The following SPOCK1 variants were observed in gnomAD, a reference collection of about 807,000 sequenced individuals.
SPOCK1 encodes the protein SPARC (osteonectin), cwcv and kazal like domains proteoglycan 1.
A neutral mutation model predicts 55.3 loss-of-function variants in SPOCK1; 23 were observed. That is an observed-to-expected ratio of 0.42 (90% CI 0.30 to 0.59). The LOEUF is 0.59. Among genes scored for constraint, SPOCK1 ranks in the 20% least tolerant of loss-of-function variants. The pLI, the probability that SPOCK1 is intolerant of heterozygous loss-of-function variation, is 0.22. For synonymous variants in SPOCK1, 226 were observed against 221.0 expected (o/e 1.02, Z -0.20); for missense variants, 499 against 552.5 (o/e 0.90, Z 0.97).
At chr5:137,441,470 A>T (rs1209488841) in intron 2 of SPOCK1, among the ~76,000 whole-genome samples, 1 of 152,240 alleles carries the variant, frequency 6.6e-6, no homozygotes, top group East Asian at 1.9e-4. Flanking sequence ...ATTTAGTAAG[A>T]TAAATCAAAT....
intron 3 of SPOCK1, among the ~76,000 whole-genome samples, chr5:137,174,109 G>A (rs1459822082): frequency 6.6e-6 from 1 of 152,098 alleles, no homozygotes; most frequent in Non-Finnish European, 1.5e-5. Flanking sequence ...CATTATTGTG[G>A]TACTTCTCAC....
chr5:137,233,626 T>A (rs1392117873), intron 3 of SPOCK1, among the ~76,000 whole-genome samples: 2 of 151,932 alleles, frequency 1.3e-5, no homozygotes, highest in Non-Finnish European at 2.9e-5. Context: ...CTTAAGTGTA[T>A]ATCTAAATAT....
chr5:137,263,392 G>A (rs374927281), intron 3 of SPOCK1, among the ~76,000 whole-genome samples: 1 of 152,114 alleles, frequency 6.6e-6, no homozygotes, highest in Non-Finnish European at 1.5e-5. Context: ...CCTCATATGC[G>A]CTCCTGAGTT....
At chr5:137,101,564 G>T (rs1753264660) in intron 5 of SPOCK1, among the ~76,000 whole-genome samples, 1 of 152,202 alleles carries the variant, frequency 6.6e-6, no homozygotes, top group Non-Finnish European at 1.5e-5. Context: ...ACAGAACATA[G>T]AAATAAGTGG....
At chr5:137,473,479 C>T (rs1320301910) in intron 2 of SPOCK1, among the ~76,000 whole-genome samples, 1 of 152,088 alleles carries the variant, frequency 6.6e-6, no homozygotes, top group Non-Finnish European at 1.5e-5. Context: ...AGAAATGGTT[C>T]CCACAGTGGG....
At chr5:136,978,993 G>T (rs1750672383) in intron 10 of SPOCK1, 149 bp from the exon 11 acceptor site, 2 of 861,086 alleles carry the variant, frequency 2.3e-6, no homozygotes, top group Non-Finnish European at 3.5e-6. Flanking sequence ...TGAGTCTTCA[G>T]GGCATACATT....
At position 136,976,156 on chromosome 5, in the gene SPOCK1, A is replaced by G. The variant is rs1459043503; in HGVS notation, c.*2498T>C. ...TCATTACAATCTTTAGTACTCATGG[A>G]AAGTATTAAAGATCTTTAAAAAAAT... is the stretch of plus-strand genomic sequence containing the variant. On this transcript the variant is annotated 3_prime_UTR_variant, in exon 11 of 11. Coordinates refer to ENST00000394945, the MANE Select transcript of SPOCK1 (RefSeq NM_004598.4). 6.6e-6 allele frequency: 1 copy of G among 152,206 alleles called. No individual in the cohort carries two copies. The highest frequency in any genetic ancestry group is 6.5e-5 in the Admixed American group (1 of 15,282). The allele number at this position is 152,206 out of a possible 1,614,324, so 9.4% of individuals were successfully genotyped here.
chr5:137,025,852 C>G, intron 6 of SPOCK1, among the ~76,000 whole-genome samples: 1 of 152,148 alleles, frequency 6.6e-6, no homozygotes, highest in East Asian at 1.9e-4. Context: ...GAGTCCAAAC[C>G]TGTGATATTT....
rs758077338 is a variant in SPOCK1 at position 137,498,204 on chromosome 5, C to CG, written c.186+168dup. ...CTTTAAAGTTCCTTTCAGGCAAGAC[C>CG]GCACCCAGGAAGCTGGGACCGACCA... On this transcript the variant is annotated intron_variant, in intron 2 of 10. Coordinates refer to ENST00000394945, the MANE Select transcript of SPOCK1 (RefSeq NM_004598.4). 5.1e-4 allele frequency among the ~76,000 whole-genome samples: 77 copies of CG among 151,944 alleles called. 1 individual carries two copies. Among genetic ancestry groups the CG allele is most frequent in the Non-Finnish European group, 9.0e-4 (61 of 67,954 alleles).
chr5:137,227,030 G>T (rs4976345), intron 3 of SPOCK1, among the ~76,000 whole-genome samples: 3 of 152,042 alleles, frequency 2.0e-5, no homozygotes, highest in African/African-American at 7.2e-5. Flanking sequence ...TCTGCAAAAT[G>T]AGGAATTTTG....
chr5:137,021,496 T>C (rs1751570897), intron 6 of SPOCK1, among the ~76,000 whole-genome samples: 2 of 152,208 alleles, frequency 1.3e-5, no homozygotes, highest in Non-Finnish European at 1.5e-5. Flanking sequence ...CTGGTGTTCT[T>C]TCTTTGTATT....
intron 4 of SPOCK1, among the ~76,000 whole-genome samples, chr5:137,135,876 T>C (rs1470843424): frequency 6.6e-6 from 1 of 152,270 alleles, no homozygotes; most frequent in East Asian, 1.9e-4. Context: ...ACAATCTGTC[T>C]ACTCATTCAT....
chr5:137,235,369 T>C (rs905595132), intron 3 of SPOCK1, among the ~76,000 whole-genome samples: 9 of 152,230 alleles, frequency 5.9e-5, no homozygotes, highest in Non-Finnish European at 1.3e-4. Context: ...CCGGTATTCA[T>C]TATTCACTCA....
intron 2 of SPOCK1, among the ~76,000 whole-genome samples, chr5:137,352,152 G>C (rs1053923463): frequency 1.3e-5 from 2 of 152,220 alleles, no homozygotes; most frequent in African/African-American, 2.4e-5. Context: ...TAGAAGGCTT[G>C]AGAAAATTGT....
At position 137,042,151 on chromosome 5, in the gene SPOCK1, A is replaced by T. The variant is rs531363960; in HGVS notation, c.589+25564T>A. Among the ~76,000 whole-genome samples the T allele has an allele frequency of 2.0e-5, 3 of 152,318 alleles. No individual in the cohort carries two copies. The South Asian group carries it at 6.2e-4, about 32-fold the overall frequency. On this transcript the variant is annotated intron_variant, in intron 6 of 10. Coordinates refer to ENST00000394945, the MANE Select transcript of SPOCK1 (RefSeq NM_004598.4). ...ATAAATGAGCTATCAAACTACAAAA[A>T]GACCTAGATGAATCTTAAATGAATA... is the stretch of plus-strand genomic sequence containing the variant.
chr5:137,290,048 G>C (rs903165314), intron 2 of SPOCK1, among the ~76,000 whole-genome samples: 5 of 152,138 alleles, frequency 3.3e-5, no homozygotes, highest in African/African-American at 1.2e-4. Flanking sequence ...TTTGGCAATA[G>C]GAACTGAAGA....
intron 6 of SPOCK1, among the ~76,000 whole-genome samples, chr5:137,046,436 G>C (rs1698560009): frequency 6.6e-6 from 1 of 152,034 alleles, no homozygotes. Flanking sequence ...TCATGATTTG[G>C]CTCTCCTGTT....
At chr5:137,303,461 T>C (rs756689583) in intron 2 of SPOCK1, among the ~76,000 whole-genome samples, 4 of 152,308 alleles carry the variant, frequency 2.6e-5, no homozygotes, top group Admixed American at 6.5e-5. Flanking sequence ...TCTTCACACA[T>C]AGACACACAG....
At chr5:137,264,293 C>T (rs1026568175) in intron 3 of SPOCK1, among the ~76,000 whole-genome samples, 1 of 152,194 alleles carries the variant, frequency 6.6e-6, no homozygotes, top group East Asian at 1.9e-4. Flanking sequence ...CTGCCCTCAT[C>T]ATGTCACTCG....
Sources: gnomAD v4.1 joint callset for allele counts (sites outside exome capture counted in the v4.1 genomes callset) on GRCh38, gnomAD v4.1.1 for gene constraint, MANE v1.5 for transcripts, NCBI Gene and HGNC (gene_info 2026-07-23, HGNC 2026-07-21) for gene names.